HS2ST1: variants seen among roughly 807,000 people sequenced by gnomAD.
HS2ST1 encodes 2-O-sulfotransferase.
HS2ST1 carries 18 observed loss-of-function variants against 42.9 expected under a neutral mutation model. The observed-to-expected ratio is 0.42, with a 90% CI of 0.29 to 0.62. HS2ST1 has a LOEUF of 0.62. Among genes scored for constraint, HS2ST1 ranks in the 20% least tolerant of loss-of-function variants. The probability of loss-of-function intolerance (pLI) is 0.21; values close to 1 mark genes in which losing one functional copy is unlikely to be tolerated. For synonymous variants in HS2ST1, 146 were observed against 152.9 expected (o/e 0.95, Z 0.33); for missense variants, 334 against 433.8 (o/e 0.77, Z 2.04).
At chr1:86,979,079 C>T (rs146966830) in intron 1 of HS2ST1, among the ~76,000 whole-genome samples, 1,550 of 152,066 alleles carry the variant, frequency 0.01, 17 homozygotes, top group Non-Finnish European at 0.011. Flanking sequence ...TAGTCTTGAA[C>T]TCCTGAGCTT....
intron 1 of HS2ST1, among the ~76,000 whole-genome samples, chr1:86,948,361 G>A (rs1432089060): frequency 1.3e-5 from 2 of 152,140 alleles, no homozygotes; most frequent in East Asian, 3.9e-4. Context: ...TAATCATAGT[G>A]TACAGCAGGC....
At chr1:86,976,538 A>C (rs1485361832) in intron 1 of HS2ST1, among the ~76,000 whole-genome samples, 1 of 151,870 alleles carries the variant, frequency 6.6e-6, no homozygotes, top group African/African-American at 2.4e-5. Flanking sequence ...GATAAAGCTA[A>C]AACATTTTTT....
intron 2 of HS2ST1, among the ~76,000 whole-genome samples, chr1:87,080,091 A>G (rs938435293): frequency 6.6e-6 from 1 of 152,138 alleles, no homozygotes; most frequent in African/African-American, 2.4e-5. Context: ...TTTTAAAGCA[A>G]TAATAATCAC....
intron 1 of HS2ST1, among the ~76,000 whole-genome samples, chr1:87,054,517 A>G (rs1405248172): frequency 6.6e-6 from 1 of 152,176 alleles, no homozygotes; most frequent in Non-Finnish European, 1.5e-5. Context: ...GTCCTCAGTA[A>G]TGTCATACTT....
chr1:87,032,851 A>G (rs546349030), intron 1 of HS2ST1, among the ~76,000 whole-genome samples: 33 of 152,202 alleles, frequency 2.2e-4, no homozygotes, highest in Admixed American at 1.6e-3. Flanking sequence ...AATAGGCTAT[A>G]TGATGGGTTG....
At chr1:87,055,167 G>C (rs967809325) in intron 1 of HS2ST1, among the ~76,000 whole-genome samples, 1 of 152,110 alleles carries the variant, frequency 6.6e-6, no homozygotes, top group Non-Finnish European at 1.5e-5. Flanking sequence ...TCTTACACAA[G>C]CTTGAAATAA....
At chr1:87,094,593 C>T (rs1026702788) in intron 4 of HS2ST1, among the ~76,000 whole-genome samples, 3 of 152,062 alleles carry the variant, frequency 2.0e-5, no homozygotes, top group South Asian at 2.1e-4. Context: ...AGAGCCCATA[C>T]ATCTTACATC....
chr1:86,996,975 T>TATATAC (rs1231545163), intron 1 of HS2ST1, among the ~76,000 whole-genome samples: 1 of 152,144 alleles, frequency 6.6e-6, no homozygotes, highest in African/African-American at 2.4e-5. Flanking sequence ...TATATATATA[T>TATATAC]ACAACAGCTA....
At chr1:87,039,334 G>A (rs949186765) in intron 1 of HS2ST1, among the ~76,000 whole-genome samples, 3 of 152,170 alleles carry the variant, frequency 2.0e-5, no homozygotes, top group Non-Finnish European at 4.4e-5. Context: ...CGGTCAGGGC[G>A]CGGTGTGGAC....
At chr1:87,060,351 A>G (rs1651086370) in intron 1 of HS2ST1, among the ~76,000 whole-genome samples, 1 of 152,178 alleles carries the variant, frequency 6.6e-6, no homozygotes, top group African/African-American at 2.4e-5. Flanking sequence ...AGGTAGTTCT[A>G]TAATATTGTA....
At chr1:87,057,364 A>G (rs535809027) in intron 1 of HS2ST1, among the ~76,000 whole-genome samples, 5 of 152,292 alleles carry the variant, frequency 3.3e-5, no homozygotes, top group African/African-American at 1.2e-4. Context: ...TATTCCTAAT[A>G]TGGTGATTAA....
chr1:86,914,930 T>C lies in HS2ST1; in HGVS notation c.-107T>C. ...CGGTGGTTCTCTCGCTGTCGCTCTC[T>C]CTTTGCCTCGCTCCCGGCTCGGCGG... is the stretch of plus-strand genomic sequence containing the variant. On this transcript the variant is annotated 5_prime_UTR_variant, in exon 1 of 7. Transcript: ENST00000370550. 4.9e-6 allele frequency: 7 copies of C among 1,427,890 alleles called. No homozygotes were observed. The South Asian group carries it at 5.8e-5, about 12-fold the overall frequency. 88.5% of individuals were successfully genotyped at this position (1,427,890 alleles called of 1,614,324 possible).
intron 1 of HS2ST1, among the ~76,000 whole-genome samples, chr1:86,994,505 G>A (rs888575840): frequency 1.3e-5 from 2 of 152,136 alleles, no homozygotes; most frequent in African/African-American, 4.8e-5. Flanking sequence ...CTTGTGATCA[G>A]AGCTGTAATA....
intron 1 of HS2ST1, among the ~76,000 whole-genome samples, chr1:87,030,936 G>A (rs968840429): frequency 1.3e-5 from 2 of 152,034 alleles, no homozygotes; most frequent in African/African-American, 4.8e-5. Context: ...TTAAGTCTCA[G>A]TATTGTTTTG....
chr1:87,062,817 T>G (rs2100624725), intron 1 of HS2ST1, among the ~76,000 whole-genome samples: 1 of 152,328 alleles, frequency 6.6e-6, no homozygotes, highest in African/African-American at 2.4e-5. Flanking sequence ...ACGATTATTT[T>G]ATTTCAGCAC....
rs1246151911 is a variant in HS2ST1, at chr1:86,914,742, G to A, written c.-295G>A. 1 of 436,404 alleles carries A rather than the reference G, an allele frequency of 2.3e-6. No individual in the cohort carries two copies. Among genetic ancestry groups the A allele is most frequent in the East Asian group, 4.9e-5 (1 of 20,346 alleles). The allele number at this position is 436,404 out of a possible 1,614,324, so 27.0% of individuals were successfully genotyped here. On this transcript the variant is annotated 5_prime_UTR_variant, in exon 1 of 7. Transcript: ENST00000370550. ...GGCGGGCGCGGGGGTCGGGGACTGA[G>A]GCAGTAGAGGGAGGCGAGAGCCCGG... is the stretch of plus-strand genomic sequence containing the variant.
chr1:86,978,445 A>T (rs1648486458), intron 1 of HS2ST1, among the ~76,000 whole-genome samples: 1 of 152,246 alleles, frequency 6.6e-6, no homozygotes, highest in Non-Finnish European at 1.5e-5. Context: ...AGAAATTTTT[A>T]AAGAGGCAGT....
At chr1:87,017,076 A>G (rs1451411836) in intron 1 of HS2ST1, among the ~76,000 whole-genome samples, 1 of 152,068 alleles carries the variant, frequency 6.6e-6, no homozygotes, top group African/African-American at 2.4e-5. Flanking sequence ...AGGCTGTAAA[A>G]TTAAGAGTGC....
intron 1 of HS2ST1, among the ~76,000 whole-genome samples, chr1:86,998,364 T>C (rs1251472631): frequency 1.3e-5 from 2 of 152,228 alleles, no homozygotes; most frequent in Non-Finnish European, 2.9e-5. Context: ...CTGCTGAGAA[T>C]TATTTTTTAA....
Sources: allele counts gnomAD v4.1 joint callset (sites outside exome capture counted in the v4.1 genomes callset), GRCh38; gene constraint gnomAD v4.1.1; transcripts MANE v1.5; gene names NCBI Gene and HGNC (gene_info 2026-07-23, HGNC 2026-07-21).